ADGRL2: variants seen among roughly 807,000 people sequenced by gnomAD.
ADGRL2 encodes the protein calcium-independent alpha-latrotoxin receptor 2.
In ADGRL2, 44 loss-of-function variants were observed where a neutral mutation model predicts 157.4. The ratio of observed to expected loss-of-function variants is 0.28; its 90% confidence interval spans 0.22 to 0.36. The LOEUF is 0.36. ADGRL2 is among the 10% of genes least tolerant of loss of function. The pLI is 1.00. For missense variants in ADGRL2, 1,510 were observed against 1,768.9 expected, an observed-to-expected ratio of 0.85 and a Z score of 2.63; for synonymous variants, 585 against 624.7, an observed-to-expected ratio of 0.94 and a Z score of 0.95.
intron 3 of ADGRL2, among the ~76,000 whole-genome samples, chr1:81,589,273 A>G (rs991730508): frequency 8.5e-5 from 13 of 152,136 alleles, no homozygotes; most frequent in African/African-American, 3.1e-4. Flanking sequence ...GATTTTATCC[A>G]TATGGTCCAC....
chr1:81,732,671 A>T lies in ADGRL2; in HGVS notation c.-142-29140A>T, dbSNP rs74932965. On this transcript the variant is annotated intron_variant, in intron 1 of 20. Coordinates refer to the ADGRL2 transcript ENST00000359929. ...GTTTAAGGGTTTTTTGAAGCCCATA[A>T]ATAAAAAGATGCAAAGTTTCATGCT... is the stretch of plus-strand genomic sequence containing the variant. Among the ~76,000 whole-genome samples, 1,052 of 152,306 alleles carry T rather than the reference A, an allele frequency of 6.9e-3. 13 individuals carry two copies. Among genetic ancestry groups the T allele is most frequent in the African/African-American group, 0.023 (957 of 41,572 alleles).
intron 2 of ADGRL2, among the ~76,000 whole-genome samples, chr1:81,536,108 T>A (rs1190041452): frequency 6.6e-6 from 1 of 152,240 alleles, no homozygotes; most frequent in Non-Finnish European, 1.5e-5. Flanking sequence ...ATCTTTACTG[T>A]TCATCTCCCT....
intron 1 of ADGRL2, among the ~76,000 whole-genome samples, chr1:81,319,112 G>A (rs576957277): frequency 1.3e-5 from 2 of 148,818 alleles, no homozygotes; most frequent in African/African-American, 2.5e-5. Flanking sequence ...GGCTAATTTT[G>A]TATTTTTTTT....
intron 3 of ADGRL2, among the ~76,000 whole-genome samples, chr1:81,593,937 C>G (rs1372159560): frequency 6.6e-6 from 1 of 152,104 alleles, no homozygotes; most frequent in Non-Finnish European, 1.5e-5. Context: ...AAGCAAGAAG[C>G]TTCGGAGACT....
intron 1 of ADGRL2, among the ~76,000 whole-genome samples, chr1:81,320,929 G>A (rs956443688): frequency 3.3e-5 from 5 of 152,148 alleles, no homozygotes; most frequent in African/African-American, 1.2e-4. Context: ...GCCAAGCATC[G>A]ACTTCTCCTC....
intron 2 of ADGRL2, among the ~76,000 whole-genome samples, chr1:81,874,119 C>A (rs1487989484): frequency 1.3e-5 from 2 of 152,068 alleles, no homozygotes; most frequent in Non-Finnish European, 2.9e-5. Flanking sequence ...GGTAGCTACT[C>A]CAACATTCTT....
At chr1:81,985,774 T>C (rs1025041561) in intron 21 of ADGRL2, among the ~76,000 whole-genome samples, 18 of 152,004 alleles carry the variant, frequency 1.2e-4, no homozygotes, top group Admixed American at 7.9e-4. Flanking sequence ...GTGGCATCTT[T>C]AAATTTATCA....
intron 4 of ADGRL2, among the ~76,000 whole-genome samples, chr1:81,938,201 T>C (rs535483707): frequency 1.3e-4 from 20 of 151,834 alleles, no homozygotes; most frequent in Middle Eastern, 3.4e-3. Context: ...TAGAGGAACA[T>C]TGTATTCTTT....
chr1:81,883,406 T>A (rs1033475973), intron 2 of ADGRL2, among the ~76,000 whole-genome samples: 1 of 152,190 alleles, frequency 6.6e-6, no homozygotes, highest in Non-Finnish European at 1.5e-5. Flanking sequence ...TCTACTTGCA[T>A]GGATAATGAA....
At chr1:81,742,773 C>A (rs2085114072) in intron 1 of ADGRL2, among the ~76,000 whole-genome samples, 1 of 151,944 alleles carries the variant, frequency 6.6e-6, no homozygotes, top group East Asian at 1.9e-4. Flanking sequence ...GAAAAATATT[C>A]TATTATTTTT....
At chr1:81,616,000 T>C (rs984437717) in intron 3 of ADGRL2, among the ~76,000 whole-genome samples, 2 of 152,006 alleles carry the variant, frequency 1.3e-5, no homozygotes. Flanking sequence ...TTTCACCATA[T>C]CCATGCTTTA....
rs376785775 is a variant in ADGRL2, at chr1:81,349,713, C to T, written c.-302+43204C>T. Among the ~76,000 whole-genome samples the T allele has an allele frequency of 1.3e-4, 20 of 151,886 alleles. No homozygotes were observed. In the South Asian group the frequency reaches 3.7e-3, roughly 28 times the overall value. On this transcript the variant is annotated intron_variant, in intron 1 of 24. Transcript: ENST00000370721. The stretch of plus-strand genomic sequence containing the variant: ...CTAAATCCAAGCATTCTCTCATCAG[C>T]ACGTCCATGCTTGACTGGAAGCAGA...
intron 3 of ADGRL2, among the ~76,000 whole-genome samples, chr1:81,637,897 A>G (rs985993634): frequency 6.6e-6 from 1 of 151,936 alleles, no homozygotes; most frequent in African/African-American, 2.4e-5. Flanking sequence ...AAGAAAGCAT[A>G]CTTTAAAAGG....
chr1:81,355,136 T>G (rs899184192), intron 1 of ADGRL2, among the ~76,000 whole-genome samples: 1 of 152,264 alleles, frequency 6.6e-6, no homozygotes. Flanking sequence ...TTATATTTGG[T>G]TGAAACTTGG....
chr1:81,318,917 C>T (rs1398165043), intron 1 of ADGRL2, among the ~76,000 whole-genome samples: 2 of 145,204 alleles, frequency 1.4e-5, no homozygotes, highest in Admixed American at 7.0e-5. Context: ...ATCCTCCATC[C>T]TCCATCAATT....
intron 3 of ADGRL2, 84 bp downstream of exon 3, chr1:81,907,314 T>C: frequency 2.7e-6 from 3 of 1,115,384 alleles, no homozygotes; most frequent in Non-Finnish European, 4.1e-6. Context: ...AGCGAATGGA[T>C]ATAGACCACA....
At chr1:81,581,471 G>C (rs938320514) in intron 3 of ADGRL2, among the ~76,000 whole-genome samples, 6 of 152,174 alleles carry the variant, frequency 3.9e-5, no homozygotes, top group African/African-American at 1.4e-4. Flanking sequence ...GGGACTTAAA[G>C]TAATGTGGAT....
chr1:81,827,331 T>C (rs2091574980), intron 1 of ADGRL2, among the ~76,000 whole-genome samples: 2 of 152,160 alleles, frequency 1.3e-5, no homozygotes, highest in African/African-American at 2.4e-5. Flanking sequence ...GAAGCCACTT[T>C]TACCAGCAGC....
chr1:81,325,228 C>G, intron 1 of ADGRL2, among the ~76,000 whole-genome samples: 1 of 152,156 alleles, frequency 6.6e-6, no homozygotes, highest in East Asian at 1.9e-4. Flanking sequence ...CACGAAAGAA[C>G]TGTTTTTAAA....
Sources: gnomAD v4.1 joint callset for allele counts (sites outside exome capture counted in the v4.1 genomes callset) on GRCh38, gnomAD v4.1.1 for gene constraint, MANE v1.5 for transcripts, NCBI Gene and HGNC (gene_info 2026-07-23, HGNC 2026-07-21) for gene names.